LAMA5: variants seen among roughly 807,000 people sequenced by gnomAD.
LAMA5 encodes the protein laminin subunit alpha 5, also known as laminin subunit alpha-5.
A neutral mutation model predicts 433.4 loss-of-function variants in LAMA5; 260 were observed. That is an observed-to-expected ratio of 0.60 (90% CI 0.54 to 0.66). The LOEUF (loss-of-function observed/expected upper bound fraction) is 0.66, where lower values mean the gene tolerates loss of function less well. Ranked by LOEUF, LAMA5 falls within the 30% of genes least tolerant of loss-of-function variation. The probability of loss-of-function intolerance (pLI) is 0.00; values close to 1 mark genes in which losing one functional copy is unlikely to be tolerated. For missense variants in LAMA5, 5,378 were observed against 5,258.5 expected, an observed-to-expected ratio of 1.02 and a Z score of -0.70; for synonymous variants, 2,620 against 2,226.6, an observed-to-expected ratio of 1.18 and a Z score of -4.97.
intron 17 of LAMA5, 33 bp from the exon 18 acceptor site, chr20:62,336,478 G>A: frequency 6.4e-7 from 1 of 1,563,004 alleles, no homozygotes; most frequent in Non-Finnish European, 8.8e-7. Flanking sequence ...GTCAGAGCGG[G>A]CGCCCTGCTC....
chr20:62,343,774 C>CAA (rs11474754), intron 11 of LAMA5, among the ~76,000 whole-genome samples: 1,488 of 61,396 alleles, frequency 0.024, 83 homozygotes, highest in Non-Finnish European at 0.037. Flanking sequence ...GAAACTCCAT[C>CAA]AAAAAAAAAA....
rs2146369519 is a variant in LAMA5 at position 62,362,561 on chromosome 20, G to A, written c.298-9C>T. 2.6e-6 allele frequency: 4 copies of A among 1,528,412 alleles called. No homozygotes were observed. The South Asian group carries it at 3.7e-5, about 14-fold the overall frequency. The allele number at this position is 1,528,412 out of a possible 1,614,324, so 94.7% of individuals were successfully genotyped here. ...ATGTCACAGTACTGGCCCTGCAGAG[G>A]GAACGGGAGGGTCAGATAGCCGAGA... On this transcript the variant is annotated splice_polypyrimidine_tract_variant and intron_variant, in intron 1 of 79. Transcript: ENST00000252999.
chr20:62,323,147 G>A (rs1416041479), intron 45 of LAMA5, among the ~76,000 whole-genome samples: 1 of 147,404 alleles, frequency 6.8e-6, no homozygotes, highest in Non-Finnish European at 1.5e-5. Context: ...CATGGGTAGG[G>A]GAGGGGGGAT....
In LAMA5 at chr20:62,334,585, C is replaced by T; in HGVS notation, c.2519G>A (p.Ser840Asn). Residue 840 changes from serine (S) to asparagine (N), a missense_variant, in exon 21 of 80, where the codon AGC becomes AAC. By Grantham distance (46) the Ser-to-Asn change is conservative. Transcript: ENST00000252999. Reference sequence around the variant, plus strand: ...GCAGACGCCCGTCCTCGGTTCACAGCTCTGGCCCAGTGCACCGCCAATGTC... The same window carrying T: ...GCAGACGCCCGTCCTCGGTTCACAGTTCTGGCCCAGTGCACCGCCAATGTC... ...RCDIGGALGQ[S>N]CEPRTGVCRC... is the part of the protein sequence containing the mutation. 6.5e-7 allele frequency: 1 copy of T among 1,548,364 alleles called. No individual in the cohort carries two copies. The highest frequency in any genetic ancestry group is 8.7e-7 in the Non-Finnish European group (1 of 1,146,768).
rs1373529572 is a variant in LAMA5 at position 62,313,215 on chromosome 20, C to G, written c.8828G>C (p.Gly2943Ala). 1.3e-6 allele frequency: 2 copies of G among 1,550,118 alleles called. No homozygotes were observed. Among genetic ancestry groups the G allele is most frequent in the African/African-American group, 1.4e-5 (1 of 73,070 alleles). The change falls in exon 65 of 80, where the codon GGC (glycine) becomes GCC (alanine). Residue 2943 changes from glycine to alanine, a missense_variant. Gly to Ala is a moderately conservative substitution (Grantham distance 60). Transcript: ENST00000252999. ...KSTGDPWLTDGSYLDGTGFAR... is the reference protein window; with the variant it reads ...KSTGDPWLTDASYLDGTGFAR... ...GAAGCCGGTGCCGTCCAGGTAGGAGCCGTCCGTGAGCCACGGGTCCCCGGT... is the reference window on the plus strand; with the variant it reads ...GAAGCCGGTGCCGTCCAGGTAGGAGGCGTCCGTGAGCCACGGGTCCCCGGT...
rs915092554 is a variant in LAMA5, at chr20:62,336,439, C to A, written c.2224G>T (p.Val742Phe). 8.7e-6 allele frequency: 14 copies of A among 1,611,830 alleles called. No individual in the cohort carries two copies. Among genetic ancestry groups the A allele is most frequent in the Admixed American group, 3.3e-5 (2 of 59,896 alleles). ...ACGTGAGCCCGGCACATACAGGGAA[C>A]CTGTGCCTGGGAGAGGACAAGACTG... The part of the protein sequence containing the change: ...PVDPALPEAQ[V>F]PCMCRAHVEG... Residue 742 changes from valine to phenylalanine, a missense_variant, in exon 18 of 80, where the codon GTT (valine) becomes TTT (phenylalanine). Val to Phe is a conservative substitution (Grantham distance 50). Transcript: ENST00000252999.
intron 6 of LAMA5, among the ~76,000 whole-genome samples, chr20:62,349,642 A>AGGGGATGGGGAT (rs74734827): frequency 4.9e-4 from 4 of 8,140 alleles, no homozygotes; most frequent in Non-Finnish European, 7.0e-4. Flanking sequence ...GCAGCAACCC[A>AGGGGATGGGGAT]GGGGATGGGG....
At position 62,315,057 on chromosome 20, in the gene LAMA5, C is replaced by T; in HGVS notation, c.8018G>A (p.Gly2673Asp). Residue 2673 changes from glycine (G) to aspartate (D), a missense_variant, in exon 59 of 80, where the codon GGC (glycine) becomes GAC (aspartate). Gly to Asp is a moderately conservative substitution (Grantham distance 94). Coordinates refer to ENST00000252999, the MANE Select transcript of LAMA5 (RefSeq NM_005560.6). The part of the protein sequence containing the change: ...QYEGLRGQDL[G>D]QAVLDAGHSV... ...GTGGCCTGCGTCAAGCACTGCCTGG[C>T]CCAGGTCCTGGCCCCGCAGGCCCTC... 2 of 1,599,154 alleles carry T rather than the reference C, an allele frequency of 1.3e-6. No individual in the cohort carries two copies. The highest frequency in any genetic ancestry group is 1.7e-6 in the Non-Finnish European group (2 of 1,178,524).
intron 55 of LAMA5, 133 bp downstream of exon 55, chr20:62,317,212 G>T: frequency 8.3e-7 from 1 of 1,203,342 alleles, no homozygotes; most frequent in Non-Finnish European, 1.1e-6. Flanking sequence ...TTGCCGTGGA[G>T]CTGAGGAAGG....
chr20:62,352,703 T>C (rs950712033), intron 3 of LAMA5, among the ~76,000 whole-genome samples: 2 of 152,098 alleles, frequency 1.3e-5, no homozygotes, highest in Non-Finnish European at 2.9e-5. Flanking sequence ...CCTGCCCTAT[T>C]GGGGAGGAGC....
At position 62,333,946 on chromosome 20, in the gene LAMA5, G is replaced by C; in HGVS notation, c.2833C>G (p.Arg945Gly). ...CTGCCCTCCTCTCGCACAGAGACCC[G>C]CCCGCTCACACTCATGGCCCCCCGG... ...VNRGAMSVSG[R>G]VSVREEGRSA... The change falls in exon 23 of 80, where the codon CGG (arginine) becomes GGG (glycine). Residue 945 changes from arginine to glycine, a missense_variant. By Grantham distance (125) the Arg-to-Gly change is moderately radical. Coordinates refer to ENST00000252999, the MANE Select transcript of LAMA5 (RefSeq NM_005560.6). 6.2e-7 allele frequency: 1 copy of C among 1,612,258 alleles called. No individual in the cohort carries two copies. The highest frequency in any genetic ancestry group is 1.1e-5 in the South Asian group (1 of 90,952).
chr20:62,322,195 G>T, intron 47 of LAMA5, 27 bp from the exon 48 acceptor site: 1 of 1,575,610 alleles, frequency 6.3e-7, no homozygotes. Flanking sequence ...GGGTGAGCAT[G>T]GCTGGCCTGG....
chr20:62,329,477 C>T (rs1979944652), intron 32 of LAMA5, among the ~76,000 whole-genome samples: 1 of 152,218 alleles, frequency 6.6e-6, no homozygotes, highest in Non-Finnish European at 1.5e-5. Context: ...CATGAGACCT[C>T]CTGGTGTCTC....
rs1313793121 is a variant in LAMA5 at position 62,318,985 on chromosome 20, C to T, written c.6900G>A (p.Gly2300=). The part of the protein sequence containing the change: ...SELMSQTGHL[G]LANASAPSGE... ...CTGATGGAGCCGAGGCATTGGCCAG[C>T]CCCAGGTGGCCCGTCTGGGACATGA... Residue 2300 remains glycine, a synonymous_variant, in exon 52 of 80, where the codon GGG becomes GGA. Transcript: ENST00000252999. 8.2e-6 allele frequency: 13 copies of T among 1,589,768 alleles called. No homozygotes were observed. Among genetic ancestry groups the T allele is most frequent in the Non-Finnish European group, 1.1e-5 (13 of 1,170,456 alleles).
At chr20:62,318,371 G>A (rs1987278893) in intron 53 of LAMA5, 83 bp downstream of exon 53, 8 of 964,026 alleles carry the variant, frequency 8.3e-6, no homozygotes, top group Non-Finnish European at 1.3e-5. Context: ...GAGGGGAGGG[G>A]AGGGGAGGAG....
rs376625751 is a variant in LAMA5, at chr20:62,362,076, C to T, written c.450+324G>A. Among the ~76,000 whole-genome samples the T allele has an allele frequency of 9.2e-5, 14 of 152,224 alleles. No homozygotes were observed. In the East Asian group the frequency reaches 9.6e-4, roughly 10 times the overall value. Reference sequence around the variant, plus strand: ...GGGCGCCTGACGCAGGGGGCACCACCGCACTGCTCACAGCACCTCCGCCCT... The same window carrying T: ...GGGCGCCTGACGCAGGGGGCACCACTGCACTGCTCACAGCACCTCCGCCCT... On this transcript the variant is annotated intron_variant, in intron 2 of 79. Coordinates refer to ENST00000252999, the MANE Select transcript of LAMA5 (RefSeq NM_005560.6).
Position 62,312,025 on chromosome 20 carries a change from T to A in LAMA5, c.9530A>T (p.Gln3177Leu). The A allele has an allele frequency of 3.7e-6, 6 of 1,612,584 alleles. No homozygotes were observed. Among genetic ancestry groups the A allele is most frequent in the Non-Finnish European group, 5.1e-6 (6 of 1,179,860 alleles). Residue 3177 changes from glutamine to leucine, a missense_variant, in exon 70 of 80, where the codon CAG becomes CTG. Gln to Leu is a moderately radical substitution (Grantham distance 113, BLOSUM62 -2). Coordinates refer to ENST00000252999, the MANE Select transcript of LAMA5 (RefSeq NM_005560.6). Reference protein sequence around the residue: ...SPDGLCQVSLQQGRVSLQLLR... With the variant: ...SPDGLCQVSLLQGRVSLQLLR... Reference sequence around the variant, plus strand: ...GAGCTGTAGGCTCACACGGCCCTGCTGCAGGGACACCTGGCATAGCCCATC... The same window carrying A: ...GAGCTGTAGGCTCACACGGCCCTGCAGCAGGGACACCTGGCATAGCCCATC...
intron 6 of LAMA5, among the ~76,000 whole-genome samples, chr20:62,349,270 C>CA (rs35537683): frequency 0.44 from 20,506 of 46,680 alleles, 6,521 homozygotes; most frequent in East Asian, 0.66. Flanking sequence ...GACTCCATCT[C>CA]AAAAAAAAAA....
intron 22 of LAMA5, 61 bp from the exon 23 acceptor site, chr20:62,334,100 C>T: frequency 1.9e-6 from 3 of 1,588,346 alleles, no homozygotes; most frequent in Non-Finnish European, 2.6e-6. Flanking sequence ...AGGCCTGGGC[C>T]TTCAAGGGGC....
Sources: gnomAD v4.1 joint callset for allele counts (sites outside exome capture counted in the v4.1 genomes callset) on GRCh38, gnomAD v4.1.1 for gene constraint, MANE v1.5 for transcripts, NCBI Gene and HGNC (gene_info 2026-07-23, HGNC 2026-07-21) for gene names.